RAP1GAP: variants seen among roughly 807,000 people sequenced by gnomAD.
RAP1GAP encodes rap1 GTPase-activating protein 1.
A neutral mutation model predicts 87.2 loss-of-function variants in RAP1GAP; 35 were observed. The ratio of observed to expected loss-of-function variants is 0.40; its 90% CI spans 0.31 to 0.53. RAP1GAP has a LOEUF of 0.53. Ranked by LOEUF, RAP1GAP falls within the 20% of genes least tolerant of loss-of-function variation. The pLI, the probability that RAP1GAP is intolerant of heterozygous loss-of-function variation, is 0.48. For synonymous variants in RAP1GAP, 375 were observed against 363.9 expected, an observed-to-expected ratio of 1.03 and a Z score of -0.35; for missense variants, 734 against 898.9, an observed-to-expected ratio of 0.82 and a Z score of 2.35.
In RAP1GAP at chr1:21,669,222, C is replaced by T. The variant is rs1422886618; in HGVS notation, c.-149+32G>A. ...GGACACCTCTGTCCCCTTCCCCTTT[C>T]CAGGGCCGCAGCCCTGGCGGGGCGC... On this transcript the variant is annotated intron_variant, in intron 1 of 24. Coordinates refer to ENST00000374765, the MANE Select transcript of RAP1GAP (RefSeq NM_002885.4). This position sits in a 1 kb window ranked among gnomAD's most constrained non-coding sequence, Gnocchi z 5.6. The T allele has an allele frequency of 4.0e-6, 5 of 1,252,450 alleles. No homozygotes were observed. Among genetic ancestry groups the T allele is most frequent in the Non-Finnish European group, 5.1e-6 (5 of 973,514 alleles). 77.6% of individuals were successfully genotyped at this position (1,252,450 alleles called of 1,614,324 possible).
At chr1:21,636,680 G>A (rs1459718011) in intron 2 of RAP1GAP, among the ~76,000 whole-genome samples, 2 of 151,888 alleles carry the variant, frequency 1.3e-5, no homozygotes, top group Admixed American at 6.6e-5. Flanking sequence ...GGTAGCGCAC[G>A]CCTGTAATCC....
intron 2 of RAP1GAP, among the ~76,000 whole-genome samples, chr1:21,627,777 C>A (rs935785023): frequency 6.6e-6 from 1 of 152,148 alleles, no homozygotes; most frequent in Non-Finnish European, 1.5e-5. Flanking sequence ...CCCGGAGGAA[C>A]CATCCACAGC....
chr1:21,659,027 C>T (rs1407357175), intron 1 of RAP1GAP, among the ~76,000 whole-genome samples: 2 of 150,980 alleles, frequency 1.3e-5, no homozygotes, highest in African/African-American at 2.4e-5. Flanking sequence ...GCAACCTCCA[C>T]CTCAGTAGCT....
chr1:21,613,483 G>T lies in RAP1GAP; in HGVS notation c.474+145C>A. 1.2e-6 allele frequency: 1 copy of T among 841,374 alleles called. No homozygotes were observed. The highest frequency in any genetic ancestry group is 2.0e-6 in the Non-Finnish European group (1 of 510,686). 52.1% of individuals were successfully genotyped at this position (841,374 alleles called of 1,614,324 possible). A position where few individuals can be genotyped will look rare whatever the true frequency, so the allele number is the denominator to read the frequency against. ...CACGTGGCAGCCCAAGACACGATGG[G>T]AACAAGTGAGAGACAGCCTCAGGAT... is the stretch of plus-strand genomic sequence containing the variant. On this transcript the variant is annotated intron_variant, in intron 9 of 24. Transcript: ENST00000374765. The surrounding 1 kb of genome is among the most constrained non-coding windows in gnomAD (Gnocchi z 4.7).
intron 13 of RAP1GAP, 53 bp from the exon 14 acceptor site, chr1:21,610,328 G>A (rs2077436810): frequency 6.2e-7 from 1 of 1,601,356 alleles, no homozygotes; most frequent in East Asian, 2.2e-5. Context: ...GCCCATGGGG[G>A]AGAGGGGTGC....
In RAP1GAP at chr1:21,634,807, C is replaced by A. The variant is rs776788341; in HGVS notation, c.-112-8410G>T. 3 of 433,454 alleles carry A rather than the reference C, an allele frequency of 6.9e-6. No homozygotes were observed. The highest frequency in any genetic ancestry group is 6.8e-5 in the Admixed American group (3 of 44,144). 26.9% of individuals were successfully genotyped at this position (433,454 alleles called of 1,614,324 possible). A position where few individuals can be genotyped will look rare whatever the true frequency, so the allele number is the denominator to read the frequency against. On this transcript the variant is annotated intron_variant, in intron 2 of 24. Coordinates refer to ENST00000374765, the MANE Select transcript of RAP1GAP (RefSeq NM_002885.4). This position sits in a 1 kb window ranked among gnomAD's most constrained non-coding sequence, Gnocchi z 4.1. ...GTCTCCCTTGCTCAGGTGGCCTGAG[C>A]CCCACTGTGGCCAAAACCTGACCCT... is the stretch of plus-strand genomic sequence containing the variant.
rs778095343 is a variant in RAP1GAP at position 21,602,857 on chromosome 1, G to T, written c.1485C>A (p.Ser495=). The T allele has an allele frequency of 1.9e-6, 3 of 1,609,944 alleles. No individual in the cohort carries two copies. The South Asian group carries it at 3.3e-5, about 18-fold the overall frequency. Residue 495 remains serine (S), a synonymous_variant, in exon 19 of 25, where the codon TCC becomes TCA. Transcript: ENST00000374765. Reference sequence around the variant, plus strand: ...CGATGCCAATGGCGCTGCTGCGGCGGGAGCCGAACGGGCCCGACTTCTTCC... The same window carrying T: ...CGATGCCAATGGCGCTGCTGCGGCGTGAGCCGAACGGGCCCGACTTCTTCC... ...PTRKKSGPFG[S]RRSSAIGIEN... is the part of the protein sequence containing the mutation.
chr1:21,651,417 C>T (rs936143796), intron 1 of RAP1GAP: 2 of 556,978 alleles, frequency 3.6e-6, no homozygotes, highest in South Asian at 2.8e-5. Context: ...GTTGCGCACA[C>T]ACGCATGCAC....
chr1:21,666,873 C>G (rs192405488), intron 1 of RAP1GAP, among the ~76,000 whole-genome samples: 67 of 152,270 alleles, frequency 4.4e-4, no homozygotes, highest in Non-Finnish European at 7.4e-4. Context: ...AAGACGAGGG[C>G]TTCTGAAAAG....
At chr1:21,654,840 A>G (rs1485492486) in intron 1 of RAP1GAP, among the ~76,000 whole-genome samples, 1 of 146,184 alleles carries the variant, frequency 6.8e-6, no homozygotes, top group Non-Finnish European at 1.5e-5. Context: ...TTAAAAAGAA[A>G]AGAAAAAAGA....
At chr1:21,651,825 TGCC>T (rs750473232) in intron 1 of RAP1GAP, 175 of 1,231,620 alleles carry the variant, frequency 1.4e-4, no homozygotes, top group Admixed American at 8.7e-4. Context: ...CCGCTCATGG[TGCC>T]GCCGCCGCCG....
At chr1:21,598,550 CACTGGCTAGGG>C in intron 21 of RAP1GAP, 48 bp from the exon 22 acceptor site, 2 of 1,486,810 alleles carry the variant, frequency 1.3e-6, no homozygotes, top group Non-Finnish European at 1.9e-6. Flanking sequence ...ATGCCCTTGG[CACTGGCTAGGG>C]CTCCCTCCCA....
intron 16 of RAP1GAP, 24 bp downstream of exon 16, chr1:21,608,826 C>A: frequency 1.3e-6 from 2 of 1,599,134 alleles, no homozygotes; most frequent in South Asian, 1.1e-5. Context: ...AGAGGGTCAC[C>A]CAGCCCTCAC....
At chr1:21,656,974 T>C (rs2096891399) in intron 1 of RAP1GAP, among the ~76,000 whole-genome samples, 1 of 152,226 alleles carries the variant, frequency 6.6e-6, no homozygotes, top group Admixed American at 6.5e-5. Flanking sequence ...TGACACTGTA[T>C]TGAGCACCCA....
chr1:21,602,872 C>T lies in RAP1GAP; in HGVS notation c.1470G>A (p.Ser490=), dbSNP rs746655879. 19 of 1,609,890 alleles carry T rather than the reference C, an allele frequency of 1.2e-5. No individual in the cohort carries two copies. The highest frequency in any genetic ancestry group is 8.9e-5 in the East Asian group (4 of 44,876). Residue 490 remains serine (S), a synonymous_variant, in exon 19 of 25, where the codon TCG becomes TCA. Coordinates refer to ENST00000374765, the MANE Select transcript of RAP1GAP (RefSeq NM_002885.4). ...VPGKSPTRKK[S]GPFGSRRSSA... is the part of the protein sequence containing the mutation. ...TGCTGCGGCGGGAGCCGAACGGGCC[C>T]GACTTCTTCCTCGTGGGGCTCTTCC...
intron 1 of RAP1GAP, among the ~76,000 whole-genome samples, chr1:21,653,768 T>G (rs1246997271): frequency 6.6e-6 from 1 of 152,002 alleles, no homozygotes; most frequent in Non-Finnish European, 1.5e-5. Context: ...ATGTGCACAG[T>G]GCTTGGGCTG....
At chr1:21,642,276 C>T (rs1035164233) in intron 2 of RAP1GAP, among the ~76,000 whole-genome samples, 3 of 152,370 alleles carry the variant, frequency 2.0e-5, no homozygotes, top group African/African-American at 7.2e-5. Flanking sequence ...CCACTGCAGG[C>T]GCAGCAGGTA....
chr1:21,653,638 T>TCCTCCCTCCCTTCCTC (rs2096738425), intron 1 of RAP1GAP, among the ~76,000 whole-genome samples: 1 of 142,498 alleles, frequency 7.0e-6, no homozygotes, highest in Admixed American at 6.9e-5. Context: ...GCAACAACCT[T>TCCTCCCTCCCTTCCTC]CCTCCCTCCC....
chr1:21,640,291 G>C (rs1375206804), intron 2 of RAP1GAP, among the ~76,000 whole-genome samples: 1 of 152,128 alleles, frequency 6.6e-6, no homozygotes, highest in Non-Finnish European at 1.5e-5. Context: ...CTCCGAACCT[G>C]ACCAGCTTTC....
Sources: gnomAD v4.1 joint callset for allele counts (sites outside exome capture counted in the v4.1 genomes callset) on GRCh38, gnomAD v4.1.1 for gene constraint, Gnocchi (gnomAD v3.1) non-coding constraint, MANE v1.5 for transcripts, NCBI Gene and HGNC (gene_info 2026-07-23, HGNC 2026-07-21) for gene names.